Variants in PDLIM2 observed in about 807,000 individuals in gnomAD.
PDLIM2 encodes PDZ and LIM domain protein 2.
PDLIM2 carries 51 observed loss-of-function variants against 54.1 expected under a neutral mutation model. The observed-to-expected ratio is 0.94, with a 90% CI of 0.75 to 1.19. The LOEUF (loss-of-function observed/expected upper bound fraction) is 1.19, where lower values mean the gene tolerates loss of function less well. PDLIM2 is among the 50% of genes most tolerant of loss of function. PDLIM2 has a pLI of 0.00. For missense variants in PDLIM2, 912 were observed against 874.0 expected (o/e 1.04, Z -0.55); for synonymous variants, 398 against 385.6 (o/e 1.03, Z -0.38).
At chr8:22,585,552 G>A in intron 6 of PDLIM2, 153 bp downstream of exon 5, 2 of 612,614 alleles carry the variant, frequency 3.3e-6, no homozygotes, top group South Asian at 2.3e-5. Flanking sequence ...CCTGAGCCAG[G>A]GAGGCCATGC....
intron 6 of PDLIM2, among the ~76,000 whole-genome samples, chr8:22,586,704 G>C (rs1424359819): frequency 6.6e-6 from 1 of 152,160 alleles, no homozygotes; most frequent in Non-Finnish European, 1.5e-5. Flanking sequence ...ACCTCTGGTG[G>C]GCTGTGGTCT....
intron 1 of PDLIM2, 175 bp from the exon 1 acceptor site, chr8:22,580,300 C>G (rs944703731): frequency 3.3e-5 from 15 of 453,254 alleles, no homozygotes; most frequent in Non-Finnish European, 5.9e-5. Context: ...CAGCCCCTGC[C>G]CCCCATGCTC....
chr8:22,579,196 GC>G lies in PDLIM2; in HGVS notation c.420del (p.Ser141AlafsTer113). The G allele has an allele frequency of 7.2e-7, 1 of 1,384,202 alleles. No homozygotes were observed. Among genetic ancestry groups the G allele is most frequent in the Non-Finnish European group, 9.3e-7 (1 of 1,070,700 alleles). 85.7% of individuals were successfully genotyped at this position (1,384,202 alleles called of 1,614,324 possible). ...CCTTCCCTCCCTCCCGGGCCTGGGC[GC>G]CCAGCCGGACAGGTGAGCGGCAGCC... On this transcript the variant is annotated frameshift_variant, in exon 1 of 10. Transcript: ENST00000308354. LOFTEE classifies it high-confidence loss of function.
chr8:22,589,918 C>T (rs1216462737), intron 8 of PDLIM2, 177 bp downstream of exon 7: 6 of 364,090 alleles, frequency 1.6e-5, no homozygotes, highest in Middle Eastern at 5.8e-4. Context: ...GCTGACGGTC[C>T]GGGAGGGTCC....
At chr8:22,579,382 G>T in exon 1 of PDLIM2, 1 of 1,499,456 alleles carries the variant, frequency 6.7e-7, no homozygotes, top group Non-Finnish European at 8.8e-7. Flanking sequence ...CGCTCTCCCC[G>T]GCCGGAGCGC....
chr8:22,589,311 G>T, exon 7 of PDLIM2: 1 of 1,534,116 alleles, frequency 6.5e-7, no homozygotes, highest in Non-Finnish European at 8.7e-7. Flanking sequence ...GGCCTCGGCC[G>T]CGCTGGCGAC....
chr8:22,592,453 C>G (rs1200905103), intron 9 of PDLIM2: 2 of 152,168 alleles, frequency 1.3e-5, no homozygotes. Context: ...GCTGAAACCC[C>G]CCCTCAGGTA....
chr8:22,579,134 T>C, exon 1 of PDLIM2: 3 of 1,307,210 alleles, frequency 2.3e-6, no homozygotes, highest in Non-Finnish European at 2.9e-6. Flanking sequence ...CTCCCCAGAG[T>C]CGGGTAGACG....
At chr8:22,580,730 C>T (rs774975077) in intron 2 of PDLIM2, 33 bp downstream of exon 1, 9 of 1,607,208 alleles carry the variant, frequency 5.6e-6, no homozygotes, top group Non-Finnish European at 7.7e-6. Context: ...ATGAGAAGGT[C>T]CTGCCAGAAG....
At chr8:22,580,590 C>T in intron 1 of PDLIM2, 1 of 1,614,004 alleles carries the variant, frequency 6.2e-7, no homozygotes, top group South Asian at 1.1e-5. Flanking sequence ...CCTCCTGGTC[C>T]TCTCTTCCTC....
At chr8:22,594,307 C>T (rs1800636693), downstream of PDLIM2, 1 of 1,414,894 alleles carries the variant, frequency 7.1e-7, no homozygotes, top group South Asian at 1.5e-5. Context: ...AAGTAGATGT[C>T]CCTTCCTTCT....
chr8:22,593,208 G>C (rs1800601430), intron 9 of PDLIM2: 1 of 152,732 alleles, frequency 6.5e-6, no homozygotes, highest in Non-Finnish European at 1.5e-5. Context: ...AGGGGTCCCA[G>C]CAGTGGCAGC....
chr8:22,579,275 G>A, exon 1 of PDLIM2: 1 of 1,369,108 alleles, frequency 7.3e-7, no homozygotes, highest in Non-Finnish European at 9.4e-7. Flanking sequence ...CCCCGGCGCC[G>A]GGCTCCTCTC....
chr8:22,593,721 C>T lies in PDLIM2; in HGVS notation c.1632-12C>T, dbSNP rs1364715653. 3 of 1,566,930 alleles carry T rather than the reference C, an allele frequency of 1.9e-6. No homozygotes were observed. Among genetic ancestry groups the T allele is most frequent in the South Asian group, 1.2e-5 (1 of 85,258 alleles). On this transcript the variant is annotated splice_polypyrimidine_tract_variant and intron_variant, in intron 9 of 9. Transcript: ENST00000308354. Reference sequence around the variant, plus strand: ...CTGTGGCTCTGAGCTAAAGCCTCTCCCTCCCCTTCAGGAACCAGGCTGTGC... The same window carrying T: ...CTGTGGCTCTGAGCTAAAGCCTCTCTCTCCCCTTCAGGAACCAGGCTGTGC...
At position 22,589,276 on chromosome 8, in the gene PDLIM2, C is replaced by G. The variant is rs1175492252; in HGVS notation, c.1291-22C>G. 2.0e-6 allele frequency: 3 copies of G among 1,533,392 alleles called. No homozygotes were observed. In the East Asian group the frequency reaches 7.3e-5, roughly 37 times the overall value. 95.0% of individuals were successfully genotyped at this position (1,533,392 alleles called of 1,614,324 possible). On this transcript the variant is annotated intron_variant, in intron 6 of 9. Coordinates refer to ENST00000308354, the Ensembl canonical transcript of PDLIM2. ...CCCAAGGCTCTGGCCCTGACTCCTC[C>G]CCGGCTGCCTCCTCCCAACAGGCCG...
chr8:22,584,498 A>G (rs959321068), intron 3 of PDLIM2, among the ~76,000 whole-genome samples: 1 of 151,976 alleles, frequency 6.6e-6, no homozygotes, highest in African/African-American at 2.4e-5. Flanking sequence ...TTTAGTAGTC[A>G]TGAGGTCTTC....
At chr8:22,592,557 G>A (rs1178465992) in intron 9 of PDLIM2, 2 of 152,216 alleles carry the variant, frequency 1.3e-5, no homozygotes, top group Non-Finnish European at 2.9e-5. Flanking sequence ...TCTGCAGAGT[G>A]GGAGAATATC....
chr8:22,593,604 GT>G, intron 9 of PDLIM2, 128 bp from the exon 9 acceptor site: 1 of 312,468 alleles, frequency 3.2e-6, no homozygotes. Flanking sequence ...AAAAAAAAAA[GT>G]CTAGTCTCTG....
At chr8:22,594,911 GAGGA>G, downstream of PDLIM2, 1 of 388,922 alleles carries the variant, frequency 2.6e-6, no homozygotes, top group South Asian at 4.1e-5. Context: ...GGGAGAGAGA[GAGGA>G]CCTGTCTGTT....
Sources: allele counts gnomAD v4.1 joint callset (sites outside exome capture counted in the v4.1 genomes callset), GRCh38; gene constraint gnomAD v4.1.1; transcripts MANE v1.5; gene names NCBI Gene and HGNC (gene_info 2026-07-23, HGNC 2026-07-21).